Variants in KIRREL3 observed in about 807,000 individuals in gnomAD.
The protein encoded by KIRREL3 is kin of IRRE-like protein 3.
KIRREL3 carries 36 observed loss-of-function variants against 89.7 expected under a neutral mutation model. That is an observed-to-expected ratio of 0.40 (90% CI 0.31 to 0.53). The LOEUF (loss-of-function observed/expected upper bound fraction) is 0.53, where lower values mean the gene tolerates loss of function less well. KIRREL3 is among the 20% of genes least tolerant of loss of function. The probability of loss-of-function intolerance (pLI) is 0.49; values close to 1 mark genes in which losing one functional copy is unlikely to be tolerated. For missense variants in KIRREL3, 864 were observed against 1,056.6 expected (o/e 0.82, Z 2.53); for synonymous variants, 445 against 441.4 (o/e 1.01, Z -0.10).
intron 12 of KIRREL3, 81 bp from the exon 13 acceptor site, chr11:126,435,384 CG>C: frequency 7.0e-7 from 1 of 1,421,898 alleles, no homozygotes; most frequent in Non-Finnish European, 9.9e-7. Flanking sequence ...GCTGCTTGAG[CG>C]GGGCTGGGTG....
intron 1 of KIRREL3, among the ~76,000 whole-genome samples, chr11:126,567,989 C>T (rs1940642624): frequency 6.6e-6 from 1 of 152,124 alleles, no homozygotes; most frequent in Non-Finnish European, 1.5e-5. Context: ...CACAACAGTT[C>T]AGGTGTGCTT....
intron 2 of KIRREL3, among the ~76,000 whole-genome samples, chr11:126,554,137 T>C (rs1939510558): frequency 6.6e-6 from 1 of 152,200 alleles, no homozygotes; most frequent in South Asian, 2.1e-4. Flanking sequence ...CATGATCCTC[T>C]AGAAACCATT....
chr11:126,567,170 CAG>C (rs1257521291), intron 1 of KIRREL3, among the ~76,000 whole-genome samples: 1 of 152,228 alleles, frequency 6.6e-6, no homozygotes, highest in Admixed American at 6.5e-5. Context: ...CCCAGTCCCT[CAG>C]AGTGTGACCT....
intron 1 of KIRREL3, among the ~76,000 whole-genome samples, chr11:126,626,648 G>T (rs1349151390): frequency 6.6e-6 from 1 of 152,188 alleles, no homozygotes; most frequent in Non-Finnish European, 1.5e-5. Context: ...ACCGGCCCTG[G>T]TACTGCTCCA....
Position 126,571,196 on chromosome 11 carries a change from C to G in KIRREL3, c.56-8284G>C, listed in dbSNP as rs1248674168. 1.3e-5 allele frequency among the ~76,000 whole-genome samples: 2 copies of G among 152,190 alleles called. No homozygotes were observed. The highest frequency in any genetic ancestry group is 4.8e-5 in the African/African-American group (2 of 41,444). Reference sequence around the variant, plus strand: ...GCTGGCTTTTTGATACCTTGCCTAGCTCTTATCATCTTTCTCTCCTTGGAG... The same window carrying G: ...GCTGGCTTTTTGATACCTTGCCTAGGTCTTATCATCTTTCTCTCCTTGGAG... On this transcript the variant is annotated intron_variant, in intron 1 of 16. Coordinates refer to ENST00000525144, the MANE Select transcript of KIRREL3 (RefSeq NM_032531.4). This position sits in a 1 kb window ranked among gnomAD's most constrained non-coding sequence, Gnocchi z 7.7.
In KIRREL3 at chr11:126,614,735, T is replaced by G. The variant is rs1222326730; in HGVS notation, c.56-51823A>C. The stretch of plus-strand genomic sequence containing the variant: ...CAAGTGGGCCGCAATCACAGGATTG[T>G]GATTCTGTGCTGGGGTTCGAGGTGT... On this transcript the variant is annotated intron_variant, in intron 1 of 16. Transcript: ENST00000525144. This position sits in a 1 kb window ranked among gnomAD's most constrained non-coding sequence, Gnocchi z 4.6. 6.6e-6 allele frequency among the ~76,000 whole-genome samples: 1 copy of G among 152,160 alleles called. No homozygotes were observed. The highest frequency in any genetic ancestry group is 1.5e-5 in the Non-Finnish European group (1 of 68,042).
Position 126,578,923 on chromosome 11 carries a change from C to T in KIRREL3, c.56-16011G>A, listed in dbSNP as rs1358239912. Among the ~76,000 whole-genome samples, 1 of 152,174 alleles carries T rather than the reference C, an allele frequency of 6.6e-6. No homozygotes were observed. The highest frequency in any genetic ancestry group is 1.5e-5 in the Non-Finnish European group (1 of 68,030). ...CTTTTCACACACTCTCTCACTTATC[C>T]TCACCATGCCTAGAGATGGGACTTT... On this transcript the variant is annotated intron_variant, in intron 1 of 16. Coordinates refer to ENST00000525144, the MANE Select transcript of KIRREL3 (RefSeq NM_032531.4). The surrounding 1 kb of genome is among the most constrained non-coding windows in gnomAD (Gnocchi z 4.9).
rs1945680375 is a variant in KIRREL3, at chr11:126,666,708, G to GA, written c.56-103797_56-103796insT. 6.6e-6 allele frequency among the ~76,000 whole-genome samples: 1 copy of GA among 152,086 alleles called. No individual in the cohort carries two copies. The highest frequency in any genetic ancestry group is 2.4e-5 in the African/African-American group (1 of 41,414). ...TAAACAGAGCTCTCTTTTTCTCTCT[G>GA]GTGAGGTTTTTGCTTTTCCCATTTT... is the stretch of plus-strand genomic sequence containing the variant. On this transcript the variant is annotated intron_variant, in intron 1 of 16. Coordinates refer to ENST00000525144, the MANE Select transcript of KIRREL3 (RefSeq NM_032531.4). This position sits in a 1 kb window ranked among gnomAD's most constrained non-coding sequence, Gnocchi z 4.2.
At chr11:126,482,792 G>C (rs1957257860) in intron 4 of KIRREL3, among the ~76,000 whole-genome samples, 1 of 152,024 alleles carries the variant, frequency 6.6e-6, no homozygotes, top group East Asian at 1.9e-4. Flanking sequence ...CTCCCTCTGG[G>C]CCCCCCCACA....
At chr11:126,757,242 T>C (rs1159921246) in intron 1 of KIRREL3, among the ~76,000 whole-genome samples, 1 of 151,830 alleles carries the variant, frequency 6.6e-6, no homozygotes, top group Non-Finnish European at 1.5e-5. Flanking sequence ...TGTTTAAAGT[T>C]CTGGTGGAAA....
chr11:126,754,358 G>C lies in KIRREL3; in HGVS notation c.56-191446C>G, dbSNP rs1172223659. Among the ~76,000 whole-genome samples, 1 of 152,180 alleles carries C rather than the reference G, an allele frequency of 6.6e-6. No homozygotes were observed. On this transcript the variant is annotated intron_variant, in intron 1 of 16. Transcript: ENST00000525144. The surrounding 1 kb of genome is among the most constrained non-coding windows in gnomAD (Gnocchi z 5.1). ...TTCACTGCTGAAACAGCATTCCTCA[G>C]AACGTACCTCTCTAACTTTACACTC...
chr11:126,506,777 A>ATTT (rs35672890), intron 4 of KIRREL3, among the ~76,000 whole-genome samples: 338 of 148,998 alleles, frequency 2.3e-3, no homozygotes, highest in African/African-American at 7.6e-3. Context: ...CATAGCAACA[A>ATTT]TTTTTTTTTT....
At position 126,779,068 on chromosome 11, in the gene KIRREL3, G is replaced by A. The variant is rs1225328682; in HGVS notation, c.56-216156C>T. ...TCCCTTATCTGGATGGCTAAATCCAGTCTCCTGTCTTGGAAACTGATAAGC... is the reference window on the plus strand; with the variant it reads ...TCCCTTATCTGGATGGCTAAATCCAATCTCCTGTCTTGGAAACTGATAAGC... On this transcript the variant is annotated intron_variant, in intron 1 of 16. Transcript: ENST00000525144. Among the ~76,000 whole-genome samples, 5 of 152,192 alleles carry A rather than the reference G, an allele frequency of 3.3e-5. No individual in the cohort carries two copies. In the South Asian group the frequency reaches 1.0e-3, roughly 32 times the overall value.
chr11:126,893,816 G>C (rs1946025266), intron 1 of KIRREL3, among the ~76,000 whole-genome samples: 2 of 152,258 alleles, frequency 1.3e-5, no homozygotes, highest in Non-Finnish European at 2.9e-5. Context: ...TTTTAATCTT[G>C]CTGCTAGCAT....
chr11:126,945,368 G>A (rs1015576400), intron 1 of KIRREL3, among the ~76,000 whole-genome samples: 2 of 152,156 alleles, frequency 1.3e-5, no homozygotes, highest in Non-Finnish European at 2.9e-5. Flanking sequence ...CAGAGACTGG[G>A]GAGTGGTTTC....
intron 1 of KIRREL3, among the ~76,000 whole-genome samples, chr11:126,784,134 T>C (rs1950411113): frequency 6.6e-6 from 1 of 152,190 alleles, no homozygotes; most frequent in Admixed American, 6.5e-5. Context: ...GAGACAAGAC[T>C]GCTAAATGCA....
chr11:126,779,181 T>C (rs544555417), intron 1 of KIRREL3, among the ~76,000 whole-genome samples: 93 of 152,364 alleles, frequency 6.1e-4, no homozygotes, highest in Middle Eastern at 3.4e-3. Context: ...GTGCTCCTCA[T>C]TGTCCATACA....
rs1026385209 is a variant in KIRREL3, at chr11:126,652,193, G to A, written c.56-89281C>T. Among the ~76,000 whole-genome samples, 15 of 152,122 alleles carry A rather than the reference G, an allele frequency of 9.9e-5. No individual in the cohort carries two copies. The highest frequency in any genetic ancestry group is 2.1e-4 in the Non-Finnish European group (14 of 68,028). On this transcript the variant is annotated intron_variant, in intron 1 of 16. Transcript: ENST00000525144. The surrounding 1 kb of genome is among the most constrained non-coding windows in gnomAD (Gnocchi z 4.9). ...GGAATTTCAGCCCCTCAGAGTGAAG[G>A]GATGGGCTTCTTTGGTTGAGTTCCG...
At chr11:126,618,710 C>CAA (rs1474842547) in intron 1 of KIRREL3, among the ~76,000 whole-genome samples, 1 of 152,246 alleles carries the variant, frequency 6.6e-6, no homozygotes, top group East Asian at 1.9e-4. Flanking sequence ...GCTGGGATTA[C>CAA]AAGCATGAGC....
Sources: allele counts gnomAD v4.1 joint callset (sites outside exome capture counted in the v4.1 genomes callset), GRCh38; gene constraint gnomAD v4.1.1; non-coding constraint Gnocchi (gnomAD v3.1); transcripts MANE v1.5; gene names NCBI Gene and HGNC (gene_info 2026-07-23, HGNC 2026-07-21).